The following OSCP1 variants were observed in gnomAD, a reference collection of about 807,000 sequenced individuals.
OSCP1 encodes the protein protein OSCP1.
OSCP1 carries 35 observed loss-of-function variants against 45.1 expected under a neutral mutation model. That is an observed-to-expected ratio of 0.78 (90% CI 0.59 to 1.03). The LOEUF is 1.03. Among genes scored for constraint, OSCP1 ranks in the 50% least tolerant of loss-of-function variants. OSCP1 has a pLI of 0.00. For synonymous variants in OSCP1, 179 were observed against 180.1 expected (o/e 0.99, Z 0.05); for missense variants, 400 against 470.7 (o/e 0.85, Z 1.39).
chr1:36,439,954 C>A (rs968369055), intron 1 of OSCP1, among the ~76,000 whole-genome samples: 1 of 152,206 alleles, frequency 6.6e-6, no homozygotes, highest in Non-Finnish European at 1.5e-5. Flanking sequence ...TATGGTTGAA[C>A]ATAGATTATC....
intron 2 of OSCP1, among the ~76,000 whole-genome samples, chr1:36,435,569 G>T (rs1648672113): frequency 6.6e-6 from 1 of 152,218 alleles, no homozygotes; most frequent in Admixed American, 6.5e-5. Flanking sequence ...AATAATTGAT[G>T]AAGTAGCATT....
intron 1 of OSCP1, among the ~76,000 whole-genome samples, chr1:36,442,800 AT>A (rs371808262): frequency 3.3e-5 from 5 of 150,686 alleles, no homozygotes; most frequent in Middle Eastern, 3.4e-3. Context: ...TATTATCCTC[AT>A]TTTTTTTTCC....
chr1:36,421,121 C>T (rs1196699600), intron 7 of OSCP1, among the ~76,000 whole-genome samples: 1 of 152,146 alleles, frequency 6.6e-6, no homozygotes. Context: ...CCCCTCACTC[C>T]ACCACCAGTT....
chr1:36,430,957 C>A (rs1282410157), intron 4 of OSCP1, among the ~76,000 whole-genome samples: 2 of 152,176 alleles, frequency 1.3e-5, no homozygotes, highest in Non-Finnish European at 2.9e-5. Flanking sequence ...GCTCCGCCGA[C>A]TCTATGGGTC....
chr1:36,441,750 C>CAAAAAAAA (rs575967932), intron 1 of OSCP1, among the ~76,000 whole-genome samples: 1 of 58,280 alleles, frequency 1.7e-5, no homozygotes, highest in Admixed American at 2.3e-4. Flanking sequence ...GACTCCAGCT[C>CAAAAAAAA]AAAAAAAAAA....
At chr1:36,428,229 C>T in intron 4 of OSCP1, 2 of 1,092,420 alleles carry the variant, frequency 1.8e-6, no homozygotes, top group Non-Finnish European at 2.4e-6. Context: ...AATTTGGCAT[C>T]AGAATTGAAA....
At chr1:36,438,722 GCAAC>G (rs772708097) in intron 2 of OSCP1, 30 bp downstream of exon 2, 2 of 1,572,346 alleles carry the variant, frequency 1.3e-6, no homozygotes, top group South Asian at 2.3e-5. Flanking sequence ...TACAAAAAAT[GCAAC>G]CAAGATGACA....
chr1:36,443,767 T>C (rs909865804), intron 1 of OSCP1, among the ~76,000 whole-genome samples: 11 of 152,242 alleles, frequency 7.2e-5, no homozygotes, highest in African/African-American at 2.7e-4. Flanking sequence ...ATCCCTCAAG[T>C]ACAGTGTGGC....
intron 2 of OSCP1, among the ~76,000 whole-genome samples, chr1:36,435,547 C>G (rs1050586158): frequency 6.6e-6 from 1 of 152,112 alleles, no homozygotes; most frequent in Non-Finnish European, 1.5e-5. Context: ...ATGTTTCTCA[C>G]TTAATTATCC....
chr1:36,438,687 C>A, intron 2 of OSCP1, 69 bp downstream of exon 2: 1 of 1,517,404 alleles, frequency 6.6e-7, no homozygotes. Flanking sequence ...TCATGTGACC[C>A]CAGTCTATGA....
At position 36,434,749 on chromosome 1, in the gene OSCP1, CAAAAAAAAAA is replaced by C. The variant is rs71053933; in HGVS notation, c.268-2170_268-2161del. ...TGGGTGACAGAGTGAGACTTTGTCTCAAAAAAAAAAAAAAAAAAAAAAGAAATTAAAACAA... is the reference window on the plus strand; with the variant it reads ...TGGGTGACAGAGTGAGACTTTGTCTCAAAAAAAAAAAAGAAATTAAAACAA... On this transcript the variant is annotated intron_variant, in intron 2 of 9. Transcript: ENST00000235532. 1.1e-4 allele frequency among the ~76,000 whole-genome samples: 8 copies of C among 69,862 alleles called. No individual in the cohort carries two copies. In the Admixed American group the frequency reaches 1.4e-3, roughly 12 times the overall value. The allele number at this position is 69,862 out of a possible 152,430, so 45.8% of individuals were successfully genotyped here.
chr1:36,449,918 T>G, intron 1 of OSCP1, among the ~76,000 whole-genome samples: 1 of 128,468 alleles, frequency 7.8e-6, no homozygotes, highest in African/African-American at 3.1e-5. Flanking sequence ...TAGCAAGGGG[T>G]ATGATACTAG....
chr1:36,439,013 A>C (rs1648952933), intron 1 of OSCP1, 103 bp from the exon 2 acceptor site: 2 of 1,283,346 alleles, frequency 1.6e-6, no homozygotes, highest in Non-Finnish European at 2.1e-6. Context: ...TACAGTACAG[A>C]ATTGGGATGC....
chr1:36,432,507 T>C lies in OSCP1; in HGVS notation c.350A>G (p.Asn117Ser), dbSNP rs762135024. ...RPKDVLLVTF[N>S]HLDTIKGFIR... Reference sequence around the variant, plus strand: ...GAATCCCTTGATGGTATCCAAGTGATTGAAAGTGACCAGCAGCACATCCTT... The same window carrying C: ...GAATCCCTTGATGGTATCCAAGTGACTGAAAGTGACCAGCAGCACATCCTT... The change falls in exon 3 of 10, where the codon AAT (asparagine) becomes AGT (serine). Residue 117 changes from asparagine to serine, a missense_variant. Coordinates refer to ENST00000235532, the MANE Select transcript of OSCP1 (RefSeq NM_145047.5). 11 of 1,614,094 alleles carry C rather than the reference T, an allele frequency of 6.8e-6. No homozygotes were observed. Among genetic ancestry groups the C allele is most frequent in the South Asian group, 1.1e-5 (1 of 91,072 alleles).
At chr1:36,446,298 T>C (rs542130986) in intron 1 of OSCP1, among the ~76,000 whole-genome samples, 1 of 152,288 alleles carries the variant, frequency 6.6e-6, no homozygotes, top group South Asian at 2.1e-4. Flanking sequence ...GCTGGGAATA[T>C]AGGCGTGAGC....
In OSCP1 at chr1:36,418,243, T is replaced by C; in HGVS notation, c.1036A>G (p.Ser346Gly). The change falls in exon 10 of 10, where the codon AGC (serine) becomes GGC (glycine). Residue 346 changes from serine (S) to glycine (G), a missense_variant. Coordinates refer to ENST00000235532, the MANE Select transcript of OSCP1 (RefSeq NM_145047.5). The part of the protein sequence containing the change: ...NIQATQDQQR[S>G]EELARIMGEF... ...CCCATGATTCGAGCCAGCTCCTCGC[T>C]CCGTTGCTGGTCCTATGAGGGAAAT... is the stretch of plus-strand genomic sequence containing the variant. The C allele has an allele frequency of 1.2e-6, 2 of 1,614,152 alleles. No homozygotes were observed. Among genetic ancestry groups the C allele is most frequent in the South Asian group, 2.2e-5 (2 of 91,084 alleles).
chr1:36,428,221 T>C (rs1210763885), intron 4 of OSCP1: 2 of 1,257,266 alleles, frequency 1.6e-6, no homozygotes, highest in Non-Finnish European at 2.1e-6. Flanking sequence ...GAAAGAAAAA[T>C]TTGGCATCAG....
At chr1:36,437,374 T>C (rs1364757815) in intron 2 of OSCP1, among the ~76,000 whole-genome samples, 1 of 152,126 alleles carries the variant, frequency 6.6e-6, no homozygotes, top group African/African-American at 2.4e-5. Context: ...CCCAAAGAAA[T>C]AGATATGTTC....
chr1:36,442,921 A>G (rs937868161), intron 1 of OSCP1, among the ~76,000 whole-genome samples: 7 of 152,130 alleles, frequency 4.6e-5, no homozygotes, highest in African/African-American at 1.7e-4. Flanking sequence ...TGAAATTAGA[A>G]TTAGGTCTGT....
Sources: gnomAD v4.1 joint callset for allele counts (sites outside exome capture counted in the v4.1 genomes callset) on GRCh38, gnomAD v4.1.1 for gene constraint, MANE v1.5 for transcripts, NCBI Gene and HGNC (gene_info 2026-07-23, HGNC 2026-07-21) for gene names.